The following SBF2 variants were observed in gnomAD, a reference collection of about 807,000 sequenced individuals.
The protein encoded by SBF2 is myotubularin-related protein 13.
In SBF2, 112 loss-of-function variants were observed where a neutral mutation model predicts 225.2. That is an observed-to-expected ratio of 0.50 (90% CI 0.43 to 0.58). The LOEUF (loss-of-function observed/expected upper bound fraction) is 0.58, where lower values mean the gene tolerates loss of function less well. Among genes scored for constraint, SBF2 ranks in the 20% least tolerant of loss-of-function variants. SBF2 has a pLI of 0.00. For missense variants in SBF2, 1,996 were observed against 2,206.2 expected (o/e 0.90, Z 1.91); for synonymous variants, 763 against 773.3 (o/e 0.99, Z 0.22).
At chr11:10,179,731 C>G (rs1591151534) in intron 2 of SBF2, among the ~76,000 whole-genome samples, 1 of 152,082 alleles carries the variant, frequency 6.6e-6, no homozygotes, top group East Asian at 1.9e-4. Flanking sequence ...TTACTCCTGC[C>G]ATTTTGTTAT....
At chr11:10,051,799 C>G (rs965358554) in intron 2 of SBF2, among the ~76,000 whole-genome samples, 7 of 151,966 alleles carry the variant, frequency 4.6e-5, no homozygotes, top group Non-Finnish European at 8.8e-5. Context: ...TTAAATGAGT[C>G]TTTTTCAAAT....
intron 15 of SBF2, among the ~76,000 whole-genome samples, chr11:9,963,202 T>C (rs1866689066): frequency 6.6e-6 from 1 of 152,198 alleles, no homozygotes; most frequent in African/African-American, 2.4e-5. Context: ...TGTTGGCTCA[T>C]ACATGTAATC....
At chr11:9,880,504 T>C (rs1178238682) in intron 17 of SBF2, among the ~76,000 whole-genome samples, 1 of 152,204 alleles carries the variant, frequency 6.6e-6, no homozygotes, top group East Asian at 1.9e-4. Context: ...GTTTGGCCCC[T>C]GTAGATTTGG....
intron 1 of SBF2, 43 bp from the exon 2 acceptor site, chr11:10,194,030 A>G (rs751460552): frequency 8.1e-7 from 1 of 1,232,210 alleles, no homozygotes; most frequent in East Asian, 2.3e-5. Context: ...AGGACACTAA[A>G]AACTACAAAT....
upstream of SBF2, chr11:10,294,290 G>T (rs1198303044): frequency 5.5e-6 from 2 of 361,894 alleles, no homozygotes; most frequent in Admixed American, 4.7e-5. Flanking sequence ...CCCCAAGCCC[G>T]GGCGGCGAGC....
intron 8 of SBF2, among the ~76,000 whole-genome samples, chr11:9,998,655 C>T (rs924526234): frequency 6.6e-6 from 1 of 152,206 alleles, no homozygotes; most frequent in African/African-American, 2.4e-5. Context: ...ATATGTAAAG[C>T]TCTCCTATGC....
chr11:10,134,915 C>T (rs12362938), intron 2 of SBF2, among the ~76,000 whole-genome samples: 30,396 of 152,208 alleles, frequency 0.2, 3,926 homozygotes, highest in Non-Finnish European at 0.3. Flanking sequence ...CTCCACTAGG[C>T]AGCAGCCCAG....
chr11:9,929,927 T>G (rs1864359005), intron 16 of SBF2, among the ~76,000 whole-genome samples: 1 of 152,180 alleles, frequency 6.6e-6, no homozygotes, highest in South Asian at 2.1e-4. Context: ...TTAATAAAGA[T>G]GTGTTTTCAT....
At chr11:10,209,430 C>G (rs1259984681) in intron 1 of SBF2, among the ~76,000 whole-genome samples, 1 of 152,032 alleles carries the variant, frequency 6.6e-6, no homozygotes, top group Admixed American at 6.6e-5. Flanking sequence ...CTCTCAAACG[C>G]AAACTTCCTA....
intron 2 of SBF2, among the ~76,000 whole-genome samples, chr11:10,119,868 A>C (rs1327788580): frequency 6.6e-6 from 1 of 152,042 alleles, no homozygotes; most frequent in African/African-American, 2.4e-5. Flanking sequence ...CAATATCAAG[A>C]CTCCATCTCA....
chr11:10,249,057 C>G (rs991669127), intron 1 of SBF2, among the ~76,000 whole-genome samples: 2 of 151,792 alleles, frequency 1.3e-5, no homozygotes, highest in Middle Eastern at 3.4e-3. Context: ...GATCGTGTCA[C>G]TGCACTCCAG....
chr11:10,203,829 G>A (rs556360871), intron 1 of SBF2, among the ~76,000 whole-genome samples: 1 of 152,106 alleles, frequency 6.6e-6, no homozygotes, highest in African/African-American at 2.4e-5. Context: ...AAATGAAACA[G>A]AGAAACAGAC....
At chr11:9,808,857 GAAATAT>G (rs777529659) in intron 31 of SBF2, 38 bp downstream of exon 31, 27 of 1,371,102 alleles carry the variant, frequency 2.0e-5, no homozygotes, top group African/African-American at 2.9e-5. Context: ...TGACCAAATG[GAAATAT>G]AAATATAAAA....
rs774979361 is a variant in SBF2 at position 10,071,263 on chromosome 11, C to CTTTTT, written c.142-28283_142-28282insAAAAA. ...CGGTTTTCTCTTTTTTTCTCTCTCT[C>CTTTTT]TCTTTTTTTTTTTTTTTTTTTGAGA... is the stretch of plus-strand genomic sequence containing the variant. On this transcript the variant is annotated intron_variant, in intron 2 of 39. Coordinates refer to ENST00000256190, the MANE Select transcript of SBF2 (RefSeq NM_030962.4). 2.3e-3 allele frequency among the ~76,000 whole-genome samples: 281 copies of CTTTTT among 124,830 alleles called. 2 individuals carry two copies. Among genetic ancestry groups the CTTTTT allele is most frequent in the Non-Finnish European group, 3.7e-3 (222 of 60,196 alleles). 81.9% of individuals were successfully genotyped at this position (124,830 alleles called of 152,430 possible). A position where few individuals can be genotyped will look rare whatever the true frequency, so the allele number is the denominator to read the frequency against.
chr11:9,935,197 A>T (rs759790061), intron 16 of SBF2, among the ~76,000 whole-genome samples: 14 of 152,306 alleles, frequency 9.2e-5, no homozygotes, highest in Non-Finnish European at 1.2e-4. Flanking sequence ...GTGAACTCCC[A>T]TTCACAATTG....
At chr11:10,147,097 G>C (rs973387531) in intron 2 of SBF2, among the ~76,000 whole-genome samples, 5 of 151,676 alleles carry the variant, frequency 3.3e-5, no homozygotes. Flanking sequence ...TGGAGAAAAG[G>C]GAACACTTAT....
intron 23 of SBF2, among the ~76,000 whole-genome samples, 197 bp downstream of exon 23, chr11:9,846,759 T>A (rs1161934628): frequency 3.9e-5 from 6 of 152,150 alleles, no homozygotes. Flanking sequence ...GTACTCTGAG[T>A]TGGCTAAGGG....
chr11:10,001,519 TA>T (rs1253614332), intron 7 of SBF2, among the ~76,000 whole-genome samples: 37 of 152,042 alleles, frequency 2.4e-4, no homozygotes, highest in African/African-American at 5.5e-4. Context: ...GCACCTAAAT[TA>T]AAAATAAATT....
chr11:9,934,985 G>C (rs976642610), intron 16 of SBF2, among the ~76,000 whole-genome samples: 2 of 152,120 alleles, frequency 1.3e-5, no homozygotes, highest in Admixed American at 1.3e-4. Flanking sequence ...GAAATAAAAG[G>C]TATTAAATTA....
Sources: allele counts gnomAD v4.1 joint callset (sites outside exome capture counted in the v4.1 genomes callset), GRCh38; gene constraint gnomAD v4.1.1; transcripts MANE v1.5; gene names NCBI Gene and HGNC (gene_info 2026-07-23, HGNC 2026-07-21).